Variants in CLYBL observed in about 807,000 individuals in gnomAD.
The protein encoded by CLYBL is citramalyl-CoA lyase.
Under a neutral mutation model 38.9 loss-of-function variants are expected in CLYBL, and 31 were observed. That is an observed-to-expected ratio of 0.80 (90% CI 0.60 to 1.08). The LOEUF is 1.08. CLYBL is among the 50% of genes least tolerant of loss of function. The probability of loss-of-function intolerance (pLI) is 0.00; values close to 1 mark genes in which losing one functional copy is unlikely to be tolerated. For synonymous variants in CLYBL, 171 were observed against 158.6 expected (o/e 1.08, Z -0.59); for missense variants, 434 against 411.6 (o/e 1.05, Z -0.47).
intron 1 of CLYBL, among the ~76,000 whole-genome samples, chr13:99,712,331 C>CTTTTT (rs766784946): frequency 5.0e-5 from 6 of 120,814 alleles, no homozygotes; most frequent in South Asian, 2.8e-4. Flanking sequence ...TAGCAATTGA[C>CTTTTT]TTTTTTTTTT....
chr13:99,753,556 T>C (rs2048996206), intron 1 of CLYBL, among the ~76,000 whole-genome samples: 1 of 152,232 alleles, frequency 6.6e-6, no homozygotes, highest in Non-Finnish European at 1.5e-5. Context: ...CTGGAATGCA[T>C]GGAATACCTG....
chr13:99,679,571 T>TA (rs978191635), intron 1 of CLYBL, among the ~76,000 whole-genome samples: 5 of 152,156 alleles, frequency 3.3e-5, no homozygotes, highest in African/African-American at 4.8e-5. Context: ...GAATCACTCT[T>TA]ACAGCTCCTC....
At chr13:99,763,765 G>A (rs1003775410) in intron 1 of CLYBL, among the ~76,000 whole-genome samples, 2 of 152,000 alleles carry the variant, frequency 1.3e-5, no homozygotes, top group African/African-American at 4.8e-5. Flanking sequence ...ATGTTGGCTA[G>A]GTTGGTCTCA....
intron 7 of CLYBL, among the ~76,000 whole-genome samples, chr13:99,887,238 T>TC (rs34556034): frequency 0.28 from 42,047 of 151,164 alleles, 6,138 homozygotes; most frequent in East Asian, 0.4. Flanking sequence ...TTTTAACAAG[T>TC]CCCCCCCGCC....
chr13:99,844,240 C>A (rs2051148863), intron 2 of CLYBL, among the ~76,000 whole-genome samples: 1 of 152,204 alleles, frequency 6.6e-6, no homozygotes, highest in Non-Finnish European at 1.5e-5. Flanking sequence ...TGCCTCACCT[C>A]AAGTGCTGCC....
chr13:99,740,699 G>A (rs148359182), intron 1 of CLYBL, among the ~76,000 whole-genome samples: 36 of 152,304 alleles, frequency 2.4e-4, no homozygotes, highest in Non-Finnish European at 3.8e-4. Context: ...CAGGTCGCCC[G>A]TAGACTCTTC....
intron 2 of CLYBL, among the ~76,000 whole-genome samples, chr13:99,790,141 C>T (rs1370363292): frequency 2.0e-5 from 3 of 152,060 alleles, no homozygotes; most frequent in Non-Finnish European, 4.4e-5. Flanking sequence ...TGGGTCTTGA[C>T]TCTTTATCCA....
At chr13:99,838,544 T>C (rs754812627) in intron 2 of CLYBL, among the ~76,000 whole-genome samples, 27 of 152,206 alleles carry the variant, frequency 1.8e-4, no homozygotes, top group African/African-American at 4.8e-4. Context: ...TCTCAATCCA[T>C]GTATTGTTTT....
chr13:99,776,896 A>G (rs2049529518), intron 2 of CLYBL, among the ~76,000 whole-genome samples: 1 of 151,430 alleles, frequency 6.6e-6, no homozygotes, highest in African/African-American at 2.4e-5. Flanking sequence ...TTTTTCATAG[A>G]TAGAGTTTTG....
At chr13:99,799,495 C>G (rs2050088869) in intron 2 of CLYBL, among the ~76,000 whole-genome samples, 1 of 152,068 alleles carries the variant, frequency 6.6e-6, no homozygotes, top group Non-Finnish European at 1.5e-5. Context: ...ATTATTAGAG[C>G]TTGCAGGACT....
At chr13:99,825,572 T>C (rs1365538351) in intron 2 of CLYBL, among the ~76,000 whole-genome samples, 1 of 152,082 alleles carries the variant, frequency 6.6e-6, no homozygotes, top group Non-Finnish European at 1.5e-5. Context: ...GGATTTAGAA[T>C]GTAATTAGTG....
At chr13:99,814,757 G>A (rs992535510) in intron 2 of CLYBL, among the ~76,000 whole-genome samples, 15 of 150,534 alleles carry the variant, frequency 1.0e-4, no homozygotes, top group East Asian at 3.9e-4. Context: ...GAGTCTGGGC[G>A]TGGTGGCTAA....
Position 99,606,740 on chromosome 13 carries a change from G to A in CLYBL, c.45G>A (p.Ala15=). 1.3e-6 allele frequency: 2 copies of A among 1,485,760 alleles called. No individual in the cohort carries two copies. The highest frequency in any genetic ancestry group is 1.8e-6 in the Non-Finnish European group (2 of 1,123,978). 92.0% of individuals were successfully genotyped at this position (1,485,760 alleles called of 1,614,324 possible). Residue 15 remains alanine, a synonymous_variant, in exon 1 of 9, where the codon GCG becomes GCA. Coordinates refer to ENST00000339105, the MANE Select transcript of CLYBL (RefSeq NM_206808.5). ...LLRRAARGAA[A]AALLRLKASL... ...GGAGGGCGGCGCGCGGAGCTGCGGC[G>A]GCGGCGCTGCTGAGGCTGTGAGTGC...
chr13:99,742,653 A>G (rs74112545), intron 1 of CLYBL, among the ~76,000 whole-genome samples: 3,365 of 152,334 alleles, frequency 0.022, 111 homozygotes, highest in African/African-American at 0.077. Context: ...AGTACTTTTC[A>G]CATCTTGCCT....
chr13:99,763,579 A>AG (rs1280553568), intron 1 of CLYBL, among the ~76,000 whole-genome samples: 2 of 128,916 alleles, frequency 1.6e-5, no homozygotes, highest in African/African-American at 3.0e-5. Context: ...TACTAGACAG[A>AG]GTCTTGCTCT....
chr13:99,838,761 G>A (rs371831719), intron 2 of CLYBL, among the ~76,000 whole-genome samples: 8 of 151,848 alleles, frequency 5.3e-5, no homozygotes, highest in African/African-American at 1.5e-4. Context: ...TCAGCCTCCC[G>A]AGTAGCTGGG....
At chr13:99,806,407 TG>T (rs1276185704) in intron 2 of CLYBL, among the ~76,000 whole-genome samples, 1 of 152,236 alleles carries the variant, frequency 6.6e-6, no homozygotes, top group African/African-American at 2.4e-5. Context: ...GCTTAGTAAC[TG>T]TGTTTCATAT....
At chr13:99,880,438 G>T (rs1450987988) in intron 7 of CLYBL, among the ~76,000 whole-genome samples, 4 of 152,176 alleles carry the variant, frequency 2.6e-5, no homozygotes, top group Non-Finnish European at 4.4e-5. Flanking sequence ...TCCAGATGAA[G>T]AAATTAAGAC....
At chr13:99,757,767 A>G (rs949157708) in intron 1 of CLYBL, among the ~76,000 whole-genome samples, 1 of 152,160 alleles carries the variant, frequency 6.6e-6, no homozygotes, top group Non-Finnish European at 1.5e-5. Context: ...CCACCTTGGC[A>G]ACTTTTAAAC....
Sources: gnomAD v4.1 joint callset for allele counts (sites outside exome capture counted in the v4.1 genomes callset) on GRCh38, gnomAD v4.1.1 for gene constraint, MANE v1.5 for transcripts, NCBI Gene and HGNC (gene_info 2026-07-23, HGNC 2026-07-21) for gene names.